TDRD7: variants seen among roughly 807,000 people sequenced by gnomAD.
The protein encoded by TDRD7 is tudor domain containing 7.
A neutral mutation model predicts 109.8 loss-of-function variants in TDRD7; 47 were observed. The ratio of observed to expected loss-of-function variants is 0.43; its 90% CI spans 0.34 to 0.55. TDRD7 has a LOEUF of 0.55. Among genes scored for constraint, TDRD7 ranks in the 20% least tolerant of loss-of-function variants. The pLI, the probability that TDRD7 is intolerant of heterozygous loss-of-function variation, is 0.03. For missense variants in TDRD7, 1,164 were observed against 1,319.2 expected (o/e 0.88, Z 1.82); for synonymous variants, 424 against 457.3 (o/e 0.93, Z 0.93).
intron 7 of TDRD7, among the ~76,000 whole-genome samples, chr9:97,463,763 A>G (rs1051538965): frequency 6.6e-6 from 1 of 152,208 alleles, no homozygotes; most frequent in Non-Finnish European, 1.5e-5. Flanking sequence ...TTTTGATAAC[A>G]TGAACTGGAA....
chr9:97,454,786 G>A (rs930782924), intron 6 of TDRD7, among the ~76,000 whole-genome samples: 3 of 152,034 alleles, frequency 2.0e-5, no homozygotes, highest in African/African-American at 7.2e-5. Context: ...AAAAGCAAGA[G>A]CAAACTAATT....
Position 97,495,692 on chromosome 9 carries a change from G to A in TDRD7, c.3106G>A (p.Ala1036Thr). The A allele has an allele frequency of 6.2e-7, 1 of 1,614,152 alleles. No homozygotes were observed. Among genetic ancestry groups the A allele is most frequent in the Non-Finnish European group, 8.5e-7 (1 of 1,180,028 alleles). The change falls in exon 17 of 17, where the codon GCT (alanine) becomes ACT (threonine). Residue 1036 changes from alanine to threonine, a missense_variant. Ala to Thr is a moderately conservative substitution (Grantham distance 58, BLOSUM62 0). Transcript: ENST00000355295. ...GAAGTGCAACCAGTGGTCTGAGGAG[G>A]CTTCTATGGTGTTTCGAAATCATGT... ...GVKCNQWSEE[A>T]SMVFRNHVEK...
chr9:97,449,601 C>T (rs1326926046), intron 6 of TDRD7, among the ~76,000 whole-genome samples: 1 of 152,152 alleles, frequency 6.6e-6, no homozygotes, highest in Non-Finnish European at 1.5e-5. Context: ...GGCCTGCCAC[C>T]CTCCAGGCAG....
chr9:97,479,496 T>C (rs1829078933), intron 13 of TDRD7, among the ~76,000 whole-genome samples: 1 of 152,226 alleles, frequency 6.6e-6, no homozygotes, highest in Non-Finnish European at 1.5e-5. Flanking sequence ...ACCGCTGTGA[T>C]TGTCTGAAAG....
intron 16 of TDRD7, 138 bp from the exon 17 acceptor site, chr9:97,495,525 C>T (rs1164974899): frequency 1.2e-5 from 10 of 805,980 alleles, no homozygotes; most frequent in Non-Finnish European, 1.9e-5. Context: ...GTTCAGTAAC[C>T]GTTTTTCAGT....
intron 12 of TDRD7, among the ~76,000 whole-genome samples, chr9:97,477,209 A>G (rs1411148681): frequency 1.3e-5 from 2 of 152,238 alleles, no homozygotes; most frequent in East Asian, 3.8e-4. Flanking sequence ...AAATGTTAAC[A>G]TCTATATAAC....
At chr9:97,441,919 C>G (rs1482800912) in intron 6 of TDRD7, 44 bp downstream of exon 6, 1 of 1,527,864 alleles carries the variant, frequency 6.5e-7, no homozygotes. Flanking sequence ...TCCTCCCTGC[C>G]CAACTTTGAG....
intron 6 of TDRD7, among the ~76,000 whole-genome samples, chr9:97,443,714 C>A (rs1351512570): frequency 6.6e-6 from 1 of 152,128 alleles, no homozygotes; most frequent in African/African-American, 2.4e-5. Flanking sequence ...TTTATGAGTT[C>A]TTTTATTTCA....
chr9:97,427,435 G>A (rs1828018468), intron 1 of TDRD7, among the ~76,000 whole-genome samples: 1 of 152,088 alleles, frequency 6.6e-6, no homozygotes, highest in Non-Finnish European at 1.5e-5. Context: ...TTCTGCAGAG[G>A]TCCATCTGTA....
At position 97,460,350 on chromosome 9, in the gene TDRD7, A is replaced by G. The variant is rs1828689516; in HGVS notation, c.1028A>G (p.Glu343Gly). 1.2e-6 allele frequency: 2 copies of G among 1,614,204 alleles called. No homozygotes were observed. Among genetic ancestry groups the G allele is most frequent in the Non-Finnish European group, 1.7e-6 (2 of 1,180,034 alleles). Reference protein sequence around the residue: ...CPTVMAGDFKEKVADLLVKYT... With the variant: ...CPTVMAGDFKGKVADLLVKYT... ...ACAGTTATGGCAGGAGACTTTAAAG[A>G]AAAAGTGGCAGACCTGCTGGTGAAA... is the stretch of plus-strand genomic sequence containing the variant. Residue 343 changes from glutamate to glycine, a missense_variant, in exon 7 of 17, where the codon GAA (glutamate) becomes GGA (glycine). Around this residue, in one of 5 missense-constraint regions of TDRD7, gnomAD observed 407 missense variants for 394.0 expected, o/e 1.03. Transcript: ENST00000355295.
chr9:97,422,255 C>T (rs893494389), intron 1 of TDRD7, among the ~76,000 whole-genome samples: 4 of 152,098 alleles, frequency 2.6e-5, no homozygotes, highest in Non-Finnish European at 4.4e-5. Flanking sequence ...ATTAGCCAGG[C>T]ATGGTGGCAC....
intron 7 of TDRD7, among the ~76,000 whole-genome samples, chr9:97,463,957 G>A (rs1302987760): frequency 6.6e-6 from 1 of 152,260 alleles, no homozygotes. Flanking sequence ...AATAAGTTTG[G>A]AGGGGGGGTG....
intron 12 of TDRD7, among the ~76,000 whole-genome samples, 161 bp downstream of exon 12, chr9:97,475,630 T>C (rs967288022): frequency 2.6e-5 from 4 of 152,214 alleles, no homozygotes; most frequent in African/African-American, 9.6e-5. Flanking sequence ...GTTGAAGTTA[T>C]GGTCGAAGAA....
intron 4 of TDRD7, among the ~76,000 whole-genome samples, chr9:97,434,366 TG>T (rs1828157823): frequency 6.6e-6 from 1 of 152,008 alleles, no homozygotes; most frequent in Non-Finnish European, 1.5e-5. Flanking sequence ...GGGGTTAGGA[TG>T]GGGGTTGTGG....
At chr9:97,455,486 C>T (rs550566128) in intron 6 of TDRD7, among the ~76,000 whole-genome samples, 4 of 152,280 alleles carry the variant, frequency 2.6e-5, no homozygotes, top group East Asian at 1.9e-4. Context: ...ATGATCAAGT[C>T]GGCTTCATCC....
At chr9:97,448,059 T>C (rs2118408713) in intron 6 of TDRD7, among the ~76,000 whole-genome samples, 1 of 152,320 alleles carries the variant, frequency 6.6e-6, no homozygotes, top group South Asian at 2.1e-4. Flanking sequence ...GAAGAGTTTC[T>C]CTAAGTAGAT....
intron 16 of TDRD7, among the ~76,000 whole-genome samples, chr9:97,491,107 G>T (rs974253286): frequency 6.6e-6 from 1 of 151,746 alleles, no homozygotes; most frequent in African/African-American, 2.4e-5. Flanking sequence ...GTAGAGACAG[G>T]CTTTTTCACC....
chr9:97,452,827 G>A (rs561545368), intron 6 of TDRD7, among the ~76,000 whole-genome samples: 1 of 152,310 alleles, frequency 6.6e-6, no homozygotes, highest in South Asian at 2.1e-4. Context: ...TGGACATAAC[G>A]TCCCTAACTT....
intron 7 of TDRD7, among the ~76,000 whole-genome samples, chr9:97,462,781 A>C (rs1828747762): frequency 6.6e-6 from 1 of 152,170 alleles, no homozygotes; most frequent in African/African-American, 2.4e-5. Flanking sequence ...ACTGTGCCTC[A>C]TCCAACACCG....
Sources: allele counts gnomAD v4.1 joint callset (sites outside exome capture counted in the v4.1 genomes callset), GRCh38; gene constraint gnomAD v4.1.1; regional missense constraint gnomAD v4.1.1; transcripts MANE v1.5; gene names NCBI Gene and HGNC (gene_info 2026-07-23, HGNC 2026-07-21).